The following ABCB10 variants were observed in gnomAD, a reference collection of about 807,000 sequenced individuals.
The protein encoded by ABCB10 is ATP binding cassette subfamily B member 10.
A neutral mutation model predicts 65.4 loss-of-function variants in ABCB10; 54 were observed. The observed-to-expected ratio is 0.83, with a 90% CI of 0.66 to 1.04. The LOEUF (loss-of-function observed/expected upper bound fraction) is 1.04, where lower values mean the gene tolerates loss of function less well. Ranked by LOEUF, ABCB10 falls within the 50% of genes least tolerant of loss-of-function variation. The pLI, the probability that ABCB10 is intolerant of heterozygous loss-of-function variation, is 0.00. For missense variants in ABCB10, 846 were observed against 976.6 expected (o/e 0.87, Z 1.78); for synonymous variants, 418 against 406.5 (o/e 1.03, Z -0.34).
At chr1:229,543,318 C>T (rs1662895884) in intron 3 of ABCB10, among the ~76,000 whole-genome samples, 1 of 152,144 alleles carries the variant, frequency 6.6e-6, no homozygotes, top group Admixed American at 6.5e-5. Flanking sequence ...AATAACCTAA[C>T]TTCTGGAAGT....
intron 8 of ABCB10, 103 bp from the exon 9 acceptor site, chr1:229,527,411 A>C: frequency 9.9e-7 from 1 of 1,008,960 alleles, no homozygotes; most frequent in Non-Finnish European, 1.5e-6. Context: ...TTTTTTAAAG[A>C]TCAAAATGTA....
In ABCB10 at chr1:229,540,669, T is replaced by A; in HGVS notation, c.1140A>T (p.Lys380Asn). Residue 380 changes from lysine (K) to asparagine (N), a missense_variant, in exon 5 of 13, where the codon AAA becomes AAT. Around this residue, in one of 2 missense-constraint regions of ABCB10, gnomAD observed 632 missense variants for 803.2 expected, o/e 0.79. Transcript: ENST00000344517. The part of the protein sequence containing the change: ...EMTEIEKYAS[K>N]VDHVMQLARK... ...TTGCTAACTGCATTACATGGTCCAC[T>A]TTGCTGGCATATTTCTCGATTTCAG... 6.2e-7 allele frequency: 1 copy of A among 1,613,024 alleles called. No individual in the cohort carries two copies. The highest frequency in any genetic ancestry group is 1.1e-5 in the South Asian group (1 of 91,036).
rs768196942 is a variant in ABCB10, at chr1:229,518,461, G to A, written c.1986-51C>T. On this transcript the variant is annotated intron_variant, in intron 12 of 12. Coordinates refer to ENST00000344517, the MANE Select transcript of ABCB10 (RefSeq NM_012089.3). ...AAGCAAAGACGTCAGTGACACCCAT[G>A]TGCTTCCTGATACACACAGCAGCCC... is the stretch of plus-strand genomic sequence containing the variant. The A allele has an allele frequency of 4.7e-6, 7 of 1,487,496 alleles. No individual in the cohort carries two copies. In the African/African-American group the frequency reaches 5.5e-5, roughly 12 times the overall value. The allele number at this position is 1,487,496 out of a possible 1,614,324, so 92.1% of individuals were successfully genotyped here.
At chr1:229,524,223 C>T (rs1558118738) in intron 10 of ABCB10, among the ~76,000 whole-genome samples, 1 of 151,620 alleles carries the variant, frequency 6.6e-6, no homozygotes, top group African/African-American at 2.4e-5. Flanking sequence ...TGCAGTGGTG[C>T]GATCCCAGCT....
chr1:229,558,075 G>C, intron 1 of ABCB10, 61 bp downstream of exon 1: 1 of 1,281,308 alleles, frequency 7.8e-7, no homozygotes, highest in Non-Finnish European at 9.9e-7. Flanking sequence ...TCGGCGCCCC[G>C]GGACCCCGCG....
intron 6 of ABCB10, among the ~76,000 whole-genome samples, chr1:229,532,584 T>TA (rs112544536): frequency 0.011 from 1,565 of 143,482 alleles, 81 homozygotes; most frequent in Admixed American, 0.078. Context: ...ATGCTATGTT[T>TA]AAAAAAAAAA....
intron 10 of ABCB10, 116 bp downstream of exon 10, chr1:229,525,820 A>G: frequency 7.9e-7 from 1 of 1,267,886 alleles, no homozygotes; most frequent in African/African-American, 1.5e-5. Context: ...CCTGGGTGAC[A>G]GAGCAAGACT....
At chr1:229,526,217 A>G in intron 9 of ABCB10, 101 bp from the exon 10 acceptor site, 1 of 1,235,322 alleles carries the variant, frequency 8.1e-7, no homozygotes, top group South Asian at 1.6e-5. Context: ...ATGTTTTGCC[A>G]TGAACAGGAT....
At chr1:229,543,946 G>A (rs1218361337) in intron 3 of ABCB10, among the ~76,000 whole-genome samples, 1 of 152,176 alleles carries the variant, frequency 6.6e-6, no homozygotes, top group Non-Finnish European at 1.5e-5. Flanking sequence ...GAACACAACT[G>A]ATGTCAAAAT....
intron 3 of ABCB10, among the ~76,000 whole-genome samples, chr1:229,544,041 C>A (rs931407676): frequency 6.6e-6 from 1 of 152,234 alleles, no homozygotes; most frequent in Non-Finnish European, 1.5e-5. Context: ...ACCCCCCTCC[C>A]TTCACTCTGG....
Position 229,558,493 on chromosome 1 carries a change from C to T in ABCB10, c.160G>A (p.Ala54Thr). The change falls in exon 1 of 13, where the codon GCG becomes ACG. Residue 54 changes from alanine to threonine, a missense_variant. By Grantham distance (58) the Ala-to-Thr change is moderately conservative. This residue lies in a region of ABCB10 where 214 missense variants were observed against 173.5 expected (regional missense o/e 1.23). Transcript: ENST00000344517. ...TGLRPARLWGAGPALLWGVGA... is the reference protein window; with the variant it reads ...TGLRPARLWGTGPALLWGVGA... ...ACGCCCCAGAGCAGCGCGGGCCCCGCGCCCCATAGCCGCGCCGGCCTCAGG... is the reference window on the plus strand; with the variant it reads ...ACGCCCCAGAGCAGCGCGGGCCCCGTGCCCCATAGCCGCGCCGGCCTCAGG... 2 of 1,317,230 alleles carry T rather than the reference C, an allele frequency of 1.5e-6. No homozygotes were observed. Among genetic ancestry groups the T allele is most frequent in the Non-Finnish European group, 9.7e-7 (1 of 1,031,944 alleles). The allele number at this position is 1,317,230 out of a possible 1,614,324, so 81.6% of individuals were successfully genotyped here. A position where few individuals can be genotyped will look rare whatever the true frequency, so the allele number is the denominator to read the frequency against.
chr1:229,537,822 C>A (rs1420661298), intron 6 of ABCB10, among the ~76,000 whole-genome samples: 1 of 152,092 alleles, frequency 6.6e-6, no homozygotes, highest in East Asian at 1.9e-4. Flanking sequence ...AACAAACAAA[C>A]ATAAAAGCAC....
chr1:229,536,393 G>T (rs1220737275), intron 6 of ABCB10, among the ~76,000 whole-genome samples: 3 of 152,084 alleles, frequency 2.0e-5, no homozygotes, highest in African/African-American at 7.2e-5. Flanking sequence ...TGCAGTCCTA[G>T]CTACTCAGGA....
At position 229,558,291 on chromosome 1, in the gene ABCB10, C is replaced by A. The variant is rs1663312605; in HGVS notation, c.362G>T (p.Gly121Val). The A allele has an allele frequency of 2.4e-6, 3 of 1,243,372 alleles. No individual in the cohort carries two copies. Among genetic ancestry groups the A allele is most frequent in the Non-Finnish European group, 3.0e-6 (3 of 995,836 alleles). The allele number at this position is 1,243,372 out of a possible 1,614,324, so 77.0% of individuals were successfully genotyped here. A position where few individuals can be genotyped will look rare whatever the true frequency, so the allele number is the denominator to read the frequency against. ...PRLPRARFPG[G>V]PAAAAWAGDE... ...CCCTGCCCAGGCAGCGGCTGCGGGA[C>A]CGCCCGGGAACCGGGCGCGCGGGAG... Residue 121 changes from glycine (G) to valine (V), a missense_variant, in exon 1 of 13, where the codon GGT (glycine) becomes GTT (valine). Gly to Val is a moderately radical substitution (Grantham distance 109, BLOSUM62 -3). Around this residue, in one of 2 missense-constraint regions of ABCB10, gnomAD observed 632 missense variants for 803.2 expected, o/e 0.79. Coordinates refer to ENST00000344517, the MANE Select transcript of ABCB10 (RefSeq NM_012089.3).
intron 1 of ABCB10, among the ~76,000 whole-genome samples, 168 bp downstream of exon 1, chr1:229,557,968 C>T (rs1414718234): frequency 1.3e-5 from 2 of 152,256 alleles, no homozygotes; most frequent in Non-Finnish European, 1.5e-5. Flanking sequence ...CTTGACAACG[C>T]TACTCTGAGG....
intron 3 of ABCB10, among the ~76,000 whole-genome samples, chr1:229,545,976 C>T (rs1662954669): frequency 6.6e-6 from 1 of 152,086 alleles, no homozygotes; most frequent in Admixed American, 6.5e-5. Context: ...TCAAGACCAG[C>T]CTGGCCAACA....
At chr1:229,549,146 G>C (rs971640037) in intron 2 of ABCB10, 88 bp downstream of exon 2, 28 of 1,392,808 alleles carry the variant, frequency 2.0e-5, no homozygotes, top group Middle Eastern at 1.8e-4. Context: ...ATGGAGCCTG[G>C]AGCACATGAG....
At chr1:229,558,095 G>C in intron 1 of ABCB10, 41 bp downstream of exon 1, 1 of 1,315,772 alleles carries the variant, frequency 7.6e-7, no homozygotes, top group Non-Finnish European at 9.7e-7. Context: ...GTGTGGAGAA[G>C]GAGAGGCCCG....
At chr1:229,518,970 A>G in intron 11 of ABCB10, 95 bp from the exon 12 acceptor site, 2 of 1,009,032 alleles carry the variant, frequency 2.0e-6, no homozygotes, top group South Asian at 1.5e-5. Context: ...GACACATGCT[A>G]CAATGTGGAT....
Sources: gnomAD v4.1 joint callset for allele counts (sites outside exome capture counted in the v4.1 genomes callset) on GRCh38, gnomAD v4.1.1 for gene constraint, gnomAD v4.1.1 regional missense constraint, MANE v1.5 for transcripts, NCBI Gene and HGNC (gene_info 2026-07-23, HGNC 2026-07-21) for gene names.